Variants in COX7B2 observed in about 807,000 individuals in gnomAD.
The protein encoded by COX7B2 is cytochrome c oxidase subunit 7B2, also known as cytochrome c oxidase subunit 7B2, mitochondrial.
For synonymous variants in COX7B2, 37 were observed against 32.1 expected (o/e 1.15, Z -0.51); for missense variants, 109 against 95.9 (o/e 1.14, Z -0.57).
chr4:46,740,121 G>T (rs1256605423), intron 2 of COX7B2, among the ~76,000 whole-genome samples: 3 of 151,896 alleles, frequency 2.0e-5, no homozygotes, highest in African/African-American at 4.8e-5. Flanking sequence ...TAGCTGCAAA[G>T]GTATATAGCA....
At chr4:46,765,153 T>TG (rs1716450161) in intron 2 of COX7B2, among the ~76,000 whole-genome samples, 1 of 151,792 alleles carries the variant, frequency 6.6e-6, no homozygotes, top group Admixed American at 6.6e-5. Flanking sequence ...CATCCATGCA[T>TG]GAAAAAAAAC....
chr4:46,822,300 T>G (rs1299765920), intron 2 of COX7B2, among the ~76,000 whole-genome samples: 2 of 151,836 alleles, frequency 1.3e-5, no homozygotes, highest in Non-Finnish European at 2.9e-5. Context: ...AAAACTAACA[T>G]GGCGTAAGCC....
intron 2 of COX7B2, among the ~76,000 whole-genome samples, chr4:46,838,231 T>C (rs957342773): frequency 1.3e-5 from 2 of 151,968 alleles, no homozygotes; most frequent in African/African-American, 4.8e-5. Flanking sequence ...TGCTGCCTCA[T>C]AGGTAGCACT....
intron 1 of COX7B2, among the ~76,000 whole-genome samples, chr4:46,903,319 T>C (rs1720177159): frequency 6.6e-6 from 1 of 152,172 alleles, no homozygotes; most frequent in Admixed American, 6.5e-5. Context: ...TTCTTAATAC[T>C]TGGAATGGGC....
intron 2 of COX7B2, among the ~76,000 whole-genome samples, chr4:46,841,750 C>T (rs554425908): frequency 1.2e-4 from 19 of 152,010 alleles, no homozygotes; most frequent in African/African-American, 2.2e-4. Flanking sequence ...GGCCTGTTCA[C>T]GCTGCATTTC....
At chr4:46,820,772 G>A (rs1166464545) in intron 2 of COX7B2, among the ~76,000 whole-genome samples, 1 of 148,826 alleles carries the variant, frequency 6.7e-6, no homozygotes, top group Non-Finnish European at 1.5e-5. Context: ...AGTGAGCTGA[G>A]ATCATGCCAT....
At chr4:46,776,576 G>A (rs552897037) in intron 2 of COX7B2, among the ~76,000 whole-genome samples, 19 of 152,200 alleles carry the variant, frequency 1.2e-4, no homozygotes, top group African/African-American at 2.2e-4. Context: ...ATTCAGAGAA[G>A]GGGAGAAGAT....
At chr4:46,901,318 A>T (rs1720057371) in intron 1 of COX7B2, among the ~76,000 whole-genome samples, 1 of 152,198 alleles carries the variant, frequency 6.6e-6, no homozygotes, top group Non-Finnish European at 1.5e-5. Flanking sequence ...AGACATTCTC[A>T]ATCAACAGAT....
At chr4:46,773,374 A>C (rs1029783360) in intron 2 of COX7B2, among the ~76,000 whole-genome samples, 4 of 152,154 alleles carry the variant, frequency 2.6e-5, no homozygotes, top group African/African-American at 7.2e-5. Flanking sequence ...TTTGCACAGC[A>C]CTTCTGCTTT....
chr4:46,867,612 G>A (rs1717746244), intron 1 of COX7B2, among the ~76,000 whole-genome samples: 1 of 152,212 alleles, frequency 6.6e-6, no homozygotes, highest in South Asian at 2.1e-4. Flanking sequence ...CTGCTGCTCT[G>A]AGTGCACTGC....
chr4:46,861,797 C>T (rs1717349911), intron 1 of COX7B2, among the ~76,000 whole-genome samples: 1 of 150,220 alleles, frequency 6.7e-6, no homozygotes, highest in Admixed American at 6.6e-5. Flanking sequence ...TGCTGGATAA[C>T]CCCCTCTTAG....
intron 1 of COX7B2, among the ~76,000 whole-genome samples, chr4:46,848,522 G>A (rs886846825): frequency 6.6e-6 from 1 of 151,896 alleles, no homozygotes; most frequent in African/African-American, 2.4e-5. Context: ...TTAGTATTCA[G>A]CTTTAATCTA....
chr4:46,833,154 C>T (rs534947327), intron 2 of COX7B2, among the ~76,000 whole-genome samples: 253 of 152,290 alleles, frequency 1.7e-3, no homozygotes, highest in African/African-American at 5.9e-3. Flanking sequence ...ATCCACCCAC[C>T]TCGGCCTCCC....
chr4:46,897,612 C>G (rs1418215114), intron 1 of COX7B2, among the ~76,000 whole-genome samples: 3 of 152,124 alleles, frequency 2.0e-5, no homozygotes, highest in Non-Finnish European at 4.4e-5. Flanking sequence ...CTTGGTAATC[C>G]CTACGGCTGT....
chr4:46,844,774 T>C (rs1716157439), intron 2 of COX7B2, among the ~76,000 whole-genome samples, 186 bp downstream of exon 2: 1 of 149,884 alleles, frequency 6.7e-6, no homozygotes, highest in Non-Finnish European at 1.5e-5. Flanking sequence ...TAAACTGACA[T>C]CTGTCTCTTT....
At chr4:46,825,789 C>T (rs539212096) in intron 2 of COX7B2, among the ~76,000 whole-genome samples, 157 of 152,294 alleles carry the variant, frequency 1.0e-3, no homozygotes, top group African/African-American at 3.6e-3. Flanking sequence ...GAAAGACTCC[C>T]TATTCAATAA....
intron 2 of COX7B2, among the ~76,000 whole-genome samples, chr4:46,751,240 C>G (rs1715355056): frequency 6.6e-6 from 1 of 152,026 alleles, no homozygotes; most frequent in Non-Finnish European, 1.5e-5. Flanking sequence ...ACTCTCTCAT[C>G]TACTGTTTCA....
chr4:46,897,072 C>T (rs975489068), intron 1 of COX7B2, among the ~76,000 whole-genome samples: 1 of 152,104 alleles, frequency 6.6e-6, no homozygotes. Context: ...ATTAAAATGA[C>T]AATTGAAGGC....
At chr4:46,881,030 T>G (rs1245390993) in intron 1 of COX7B2, among the ~76,000 whole-genome samples, 1 of 150,630 alleles carries the variant, frequency 6.6e-6, no homozygotes, top group African/African-American at 2.4e-5. Context: ...TTCATTGATC[T>G]TTTGAATGGT....
Sources: allele counts gnomAD v4.1 joint callset (sites outside exome capture counted in the v4.1 genomes callset), GRCh38; gene constraint gnomAD v4.1.1; transcripts MANE v1.5; gene names NCBI Gene and HGNC (gene_info 2026-07-23, HGNC 2026-07-21).